ESRRG: variants seen among roughly 807,000 people sequenced by gnomAD.
ESRRG encodes the protein estrogen-related receptor gamma.
A neutral mutation model predicts 44.0 loss-of-function variants in ESRRG; 13 were observed. That is an observed-to-expected ratio of 0.30 (90% CI 0.19 to 0.47). The LOEUF (loss-of-function observed/expected upper bound fraction) is 0.47, where lower values mean the gene tolerates loss of function less well. Among genes scored for constraint, ESRRG ranks in the 20% least tolerant of loss-of-function variants. The pLI is 1.00. For synonymous variants in ESRRG, 215 were observed against 214.6 expected, an observed-to-expected ratio of 1.00 and a Z score of -0.02; for missense variants, 395 against 580.6, an observed-to-expected ratio of 0.68 and a Z score of 3.29.
At chr1:216,761,381 G>A (rs1201528060) in intron 2 of ESRRG, among the ~76,000 whole-genome samples, 2 of 152,030 alleles carry the variant, frequency 1.3e-5, no homozygotes, top group African/African-American at 4.8e-5. Flanking sequence ...GCAAATTTCA[G>A]TAATGGAAAC....
chr1:216,917,944 C>T (rs2061391694), intron 2 of ESRRG, among the ~76,000 whole-genome samples: 1 of 152,158 alleles, frequency 6.6e-6, no homozygotes, highest in South Asian at 2.1e-4. Context: ...ATTTCCACTG[C>T]CTCAATTTTA....
chr1:216,680,016 G>C (rs2076772154), intron 1 of ESRRG, among the ~76,000 whole-genome samples: 2 of 152,148 alleles, frequency 1.3e-5, no homozygotes, highest in Admixed American at 6.5e-5. Context: ...TGCCAGAAAG[G>C]TCCTTAAAAC....
At chr1:216,826,181 T>A (rs2095390256) in intron 2 of ESRRG, among the ~76,000 whole-genome samples, 1 of 148,504 alleles carries the variant, frequency 6.7e-6, no homozygotes, top group Non-Finnish European at 1.5e-5. Context: ...AGCAAATTGT[T>A]TAAGGACAAA....
chr1:216,508,562 G>T (rs190029763), intron 6 of ESRRG, among the ~76,000 whole-genome samples: 1 of 152,128 alleles, frequency 6.6e-6, no homozygotes, highest in Non-Finnish European at 1.5e-5. Context: ...CCCAACATAC[G>T]CCTGGCCTTT....
At chr1:216,836,112 G>C (rs1003203504) in intron 2 of ESRRG, among the ~76,000 whole-genome samples, 2 of 136,638 alleles carry the variant, frequency 1.5e-5, no homozygotes, top group African/African-American at 5.5e-5. Context: ...AAAAAAAAAA[G>C]AAAGAAATCC....
rs189312690 is a variant in ESRRG, at chr1:216,821,107, A to T, written c.-14+118475T>A. 3.3e-5 allele frequency among the ~76,000 whole-genome samples: 5 copies of T among 152,312 alleles called. No individual in the cohort carries two copies. In the East Asian group the frequency reaches 7.7e-4, roughly 24 times the overall value. ...ACAAAGTCTGAGCTAATAAGAATAC[A>T]TAGGGTTAGGCCAAGTGACATAAAC... is the stretch of plus-strand genomic sequence containing the variant. On this transcript the variant is annotated intron_variant, in intron 2 of 7. Transcript: ENST00000359162.
At chr1:217,039,155 A>C (rs1042051722) in intron 1 of ESRRG, among the ~76,000 whole-genome samples, 1 of 152,130 alleles carries the variant, frequency 6.6e-6, no homozygotes, top group Non-Finnish European at 1.5e-5. Flanking sequence ...TTTTTGTCAA[A>C]ACCATTCAAC....
chr1:217,114,739 C>G (rs1230482502), intron 1 of ESRRG, among the ~76,000 whole-genome samples: 1 of 145,778 alleles, frequency 6.9e-6, no homozygotes, highest in East Asian at 2.1e-4. Flanking sequence ...TCACTGCAAT[C>G]TCTGCCCCCT....
At chr1:216,588,138 T>C (rs2056996927) in intron 3 of ESRRG, among the ~76,000 whole-genome samples, 1 of 152,208 alleles carries the variant, frequency 6.6e-6, no homozygotes, top group Non-Finnish European at 1.5e-5. Flanking sequence ...CCAATATCAA[T>C]AAATAAGTGA....
intron 1 of ESRRG, among the ~76,000 whole-genome samples, chr1:216,703,797 C>T (rs749973406): frequency 4.6e-5 from 7 of 151,064 alleles, no homozygotes; most frequent in Non-Finnish European, 1.0e-4. Context: ...AAGTGTAGAG[C>T]CAAAAAAGAA....
At chr1:216,703,348 T>C (rs2081797500) in intron 1 of ESRRG, among the ~76,000 whole-genome samples, 2 of 152,162 alleles carry the variant, frequency 1.3e-5, no homozygotes, top group Non-Finnish European at 1.5e-5. Context: ...TTTAAGAAAG[T>C]TTACTCATCT....
chr1:216,552,166 C>T lies in ESRRG; in HGVS notation c.862+12053G>A, dbSNP rs567874360. Reference sequence around the variant, plus strand: ...CTAAAACATATTCACTGCTATTAATCTATCTTCAAGAAATATATTGTCCAT... The same window carrying T: ...CTAAAACATATTCACTGCTATTAATTTATCTTCAAGAAATATATTGTCCAT... On this transcript the variant is annotated intron_variant, in intron 5 of 6. Coordinates refer to ENST00000408911, the MANE Select transcript of ESRRG (RefSeq NM_001438.4). Among the ~76,000 whole-genome samples the T allele has an allele frequency of 1.1e-4, 17 of 152,096 alleles. 2 individuals are homozygous for T. The highest frequency in any genetic ancestry group is 4.1e-4 in the African/African-American group (17 of 41,518).
intron 1 of ESRRG, among the ~76,000 whole-genome samples, chr1:216,941,757 TG>T (rs1254150013): frequency 2.0e-5 from 3 of 152,130 alleles, no homozygotes; most frequent in Non-Finnish European, 4.4e-5. Flanking sequence ...TTACTAAGAA[TG>T]GGGGGAAAAA....
intron 2 of ESRRG, among the ~76,000 whole-genome samples, chr1:216,849,604 C>T (rs1246463334): frequency 6.6e-6 from 1 of 152,046 alleles, no homozygotes; most frequent in East Asian, 1.9e-4. Context: ...CAAAAGGATT[C>T]GTCCTACTTC....
chr1:216,703,658 GA>G (rs2081885205), intron 1 of ESRRG, among the ~76,000 whole-genome samples: 1 of 66,578 alleles, frequency 1.5e-5, no homozygotes. Context: ...AAGCTGGATA[GA>G]TGTGTGTGTG....
intron 1 of ESRRG, among the ~76,000 whole-genome samples, chr1:216,971,012 G>A (rs2071537124): frequency 6.6e-6 from 1 of 152,282 alleles, no homozygotes; most frequent in South Asian, 2.1e-4. Flanking sequence ...GTGGCCCAGG[G>A]TGGGGGCAGA....
At chr1:217,047,924 C>A (rs570929137) in intron 1 of ESRRG, among the ~76,000 whole-genome samples, 2 of 152,304 alleles carry the variant, frequency 1.3e-5, no homozygotes, top group East Asian at 3.9e-4. Flanking sequence ...CCCACATTTC[C>A]AGACCACGGT....
At chr1:217,010,321 T>A (rs2078385636) in intron 1 of ESRRG, among the ~76,000 whole-genome samples, 4 of 152,200 alleles carry the variant, frequency 2.6e-5, no homozygotes, top group African/African-American at 9.6e-5. Flanking sequence ...ATCACATTTT[T>A]AAAAACATAT....
At chr1:216,530,425 C>T (rs1279076729) in intron 5 of ESRRG, among the ~76,000 whole-genome samples, 1 of 152,084 alleles carries the variant, frequency 6.6e-6, no homozygotes, top group Non-Finnish European at 1.5e-5. Context: ...ACTGCCTATT[C>T]AAGTAAGGTG....
Sources: gnomAD v4.1 joint callset for allele counts (sites outside exome capture counted in the v4.1 genomes callset) on GRCh38, gnomAD v4.1.1 for gene constraint, MANE v1.5 for transcripts, NCBI Gene and HGNC (gene_info 2026-07-23, HGNC 2026-07-21) for gene names.